Variants in NEXMIF observed in about 807,000 individuals in gnomAD.
NEXMIF encodes the protein neurite extension and migration factor, also known as XLMR protein related to neurite extension.
NEXMIF carries 8 observed loss-of-function variants against 62.1 expected under a neutral mutation model. That is an observed-to-expected ratio of 0.13 (90% CI 0.08 to 0.23). The LOEUF is 0.23. NEXMIF is among the 10% of genes least tolerant of loss of function. The pLI is 1.00. For synonymous variants in NEXMIF, 404 were observed against 416.6 expected (o/e 0.97, Z 0.37); for missense variants, 976 against 1,113.3 (o/e 0.88, Z 1.75).
intron 1 of NEXMIF, among the ~76,000 whole-genome samples, chrX:74,826,127 T>G (rs2080416071): frequency 1.8e-5 from 2 of 112,612 alleles, no homozygotes; most frequent in African/African-American, 6.4e-5. Context: ...TAATTTACAC[T>G]CCTAACAACA....
chrX:74,797,441 T>C (rs2080315692), intron 1 of NEXMIF, among the ~76,000 whole-genome samples: 1 of 112,144 alleles, frequency 8.9e-6, no homozygotes, highest in African/African-American at 3.2e-5. Context: ...CTCTTTGTAC[T>C]AGCTTTGCAA....
intron 2 of NEXMIF, 134 bp from the exon 3 acceptor site, chrX:74,744,611 C>A (rs2080119952): frequency 1.3e-5 from 5 of 393,340 alleles, no homozygotes; most frequent in Non-Finnish European, 2.1e-5. Context: ...TCTATCTTTA[C>A]AAATAAAAAC....
chrX:74,755,218 G>T (rs187202749), intron 1 of NEXMIF, among the ~76,000 whole-genome samples: 2 of 112,071 alleles, frequency 1.8e-5, no homozygotes, highest in Non-Finnish European at 3.8e-5. Context: ...TGGAAGGCTG[G>T]GACTGTCACA....
intron 1 of NEXMIF, among the ~76,000 whole-genome samples, chrX:74,789,015 T>G (rs774058657): frequency 9.1e-6 from 1 of 109,900 alleles, no homozygotes; most frequent in East Asian, 2.9e-4. Flanking sequence ...TTAGGGTACA[T>G]GTGCACATTG....
intron 1 of NEXMIF, chrX:74,769,705 G>C: frequency 1.5e-6 from 1 of 682,809 alleles, no homozygotes; most frequent in Non-Finnish European, 2.4e-6. Flanking sequence ...TAAATTATAG[G>C]AATCTGCACC....
chrX:74,830,284 CA>C (rs1396446023), intron 1 of NEXMIF, among the ~76,000 whole-genome samples: 3 of 111,886 alleles, frequency 2.7e-5, no homozygotes, highest in African/African-American at 9.7e-5. Flanking sequence ...CCAGTTTTCC[CA>C]GCACCATTCA....
intron 1 of NEXMIF, among the ~76,000 whole-genome samples, chrX:74,884,523 C>A (rs1446578639): frequency 9.0e-6 from 1 of 111,440 alleles, no homozygotes; most frequent in Non-Finnish European, 1.9e-5. Flanking sequence ...AAACTTTAAA[C>A]CAACAAAGAT....
chrX:74,829,566 C>T (rs2080429289), intron 1 of NEXMIF, among the ~76,000 whole-genome samples: 1 of 111,856 alleles, frequency 8.9e-6, no homozygotes, highest in Non-Finnish European at 1.9e-5. Context: ...AGGGTATATA[C>T]CCAGCAGTGG....
chrX:74,855,467 G>C (rs890573614), intron 1 of NEXMIF, among the ~76,000 whole-genome samples: 1 of 111,809 alleles, frequency 8.9e-6, no homozygotes, highest in African/African-American at 3.3e-5. Flanking sequence ...ATAATAGATG[G>C]GGCCAACAAT....
intron 1 of NEXMIF, among the ~76,000 whole-genome samples, chrX:74,803,604 C>G (rs1255215183): frequency 1.8e-5 from 2 of 109,114 alleles, no homozygotes; most frequent in Non-Finnish European, 3.8e-5. Flanking sequence ...ATAAATAATA[C>G]AAACTGTGAA....
intron 1 of NEXMIF, among the ~76,000 whole-genome samples, chrX:74,913,462 T>C (rs1198761636): frequency 9.0e-6 from 1 of 111,092 alleles, no homozygotes; most frequent in African/African-American, 3.3e-5. Flanking sequence ...CCATGAAGAA[T>C]AGAAGGCAGG....
intron 1 of NEXMIF, among the ~76,000 whole-genome samples, chrX:74,751,687 CTCT>C (rs1452580729): frequency 3.6e-5 from 3 of 83,823 alleles, no homozygotes; most frequent in African/African-American, 4.4e-5. Flanking sequence ...CCCTCCCTCC[CTCT>C]TTTCTTCCTT....
At chrX:74,830,107 C>G (rs779847492) in intron 1 of NEXMIF, among the ~76,000 whole-genome samples, 2 of 111,837 alleles carry the variant, frequency 1.8e-5, no homozygotes, top group South Asian at 7.4e-4. Flanking sequence ...TGGAGTATTA[C>G]TCAAGAAATT....
In NEXMIF at chrX:74,760,906, T is replaced by C. The variant is rs747138532; in HGVS notation, c.-47-15209A>G. 2.7e-5 allele frequency among the ~76,000 whole-genome samples: 3 copies of C among 109,162 alleles called. No individual in the cohort carries two copies. The South Asian group carries it at 1.2e-3, about 43-fold the overall frequency. The allele number at this position is 109,162 out of a possible 115,157, so 94.8% of individuals were successfully genotyped here. On this transcript the variant is annotated intron_variant, in intron 1 of 3. Transcript: ENST00000055682. Reference sequence around the variant, plus strand: ...TATTTAAGATGGAGTCTCACTCTGTTGCCCAGGCTGGAGTGCAACGGCAAA... The same window carrying C: ...TATTTAAGATGGAGTCTCACTCTGTCGCCCAGGCTGGAGTGCAACGGCAAA...
chrX:74,809,888 G>A (rs1389186350), intron 1 of NEXMIF, among the ~76,000 whole-genome samples: 1 of 111,555 alleles, frequency 9.0e-6, no homozygotes, highest in African/African-American at 3.3e-5. Flanking sequence ...TGCATGCAAA[G>A]GAGCAGAAAT....
chrX:74,900,474 A>AAAAAAAG lies in NEXMIF; in HGVS notation c.-48+24408_-48+24409insCTTTTTT, dbSNP rs776919178. ...TGAGACTCCGTCTCAAAAAAAAAAA[A>AAAAAAAG]AAAAAGAAAAAGAAAAAGAAAAAGG... On this transcript the variant is annotated intron_variant, in intron 1 of 3. Coordinates refer to ENST00000055682, the MANE Select transcript of NEXMIF (RefSeq NM_001008537.3). 2.5e-3 allele frequency among the ~76,000 whole-genome samples: 266 copies of AAAAAAAG among 105,950 alleles called. 3 individuals carry two copies. Among genetic ancestry groups the AAAAAAAG allele is most frequent in the East Asian group, 0.018 (47 of 2,676 alleles). The allele number at this position is 105,950 out of a possible 115,157, so 92.0% of individuals were successfully genotyped here.
At chrX:74,909,256 A>T (rs1235412542) in intron 1 of NEXMIF, among the ~76,000 whole-genome samples, 1 of 111,866 alleles carries the variant, frequency 8.9e-6, no homozygotes, top group Admixed American at 9.5e-5. Flanking sequence ...TTTGACAAAA[A>T]TGCTGACAGT....
chrX:74,838,009 C>T (rs1243798915), intron 1 of NEXMIF, among the ~76,000 whole-genome samples: 2 of 111,307 alleles, frequency 1.8e-5, no homozygotes, highest in Admixed American at 1.9e-4. Context: ...AACATAGTGC[C>T]CATTGTGGAT....
chrX:74,887,826 G>A (rs755250756), intron 1 of NEXMIF, among the ~76,000 whole-genome samples: 3 of 111,976 alleles, frequency 2.7e-5, no homozygotes, highest in African/African-American at 9.7e-5. Flanking sequence ...AAATCATGCT[G>A]CTATAAAGAC....
Sources: gnomAD v4.1 joint callset for allele counts (sites outside exome capture counted in the v4.1 genomes callset) on GRCh38, gnomAD v4.1.1 for gene constraint, MANE v1.5 for transcripts, NCBI Gene and HGNC (gene_info 2026-07-23, HGNC 2026-07-21) for gene names.